HIPK1: variants seen among roughly 807,000 people sequenced by gnomAD.
The protein encoded by HIPK1 is homeodomain-interacting protein kinase 1.
HIPK1 carries 28 observed loss-of-function variants against 117.1 expected under a neutral mutation model. The observed-to-expected ratio is 0.24, with a 90% CI of 0.18 to 0.33. HIPK1 has a LOEUF of 0.33. Among genes scored for constraint, HIPK1 ranks in the 10% least tolerant of loss-of-function variants. HIPK1 has a pLI of 1.00. For missense variants in HIPK1, 1,122 were observed against 1,475.1 expected, an observed-to-expected ratio of 0.76 and a Z score of 3.92; for synonymous variants, 605 against 562.5, an observed-to-expected ratio of 1.08 and a Z score of -1.07.
chr1:113,960,430 C>T (rs1315910239), intron 8 of HIPK1, among the ~76,000 whole-genome samples: 2 of 152,152 alleles, frequency 1.3e-5, no homozygotes, highest in African/African-American at 4.8e-5. Context: ...ATACTACTTT[C>T]CATACTGTCC....
At chr1:113,960,516 C>T (rs1413007543) in intron 8 of HIPK1, among the ~76,000 whole-genome samples, 1 of 152,160 alleles carries the variant, frequency 6.6e-6, no homozygotes, top group Non-Finnish European at 1.5e-5. Flanking sequence ...TTCGCTTTAT[C>T]ACCCTGGGGG....
intron 8 of HIPK1, 52 bp from the exon 9 acceptor site, chr1:113,962,265 C>T: frequency 1.3e-6 from 2 of 1,573,738 alleles, no homozygotes; most frequent in Non-Finnish European, 1.7e-6. Flanking sequence ...AATCTTAAAA[C>T]AGTACTCCCA....
intron 10 of HIPK1, among the ~76,000 whole-genome samples, chr1:113,965,469 A>G (rs1352907498): frequency 6.6e-6 from 1 of 152,250 alleles, no homozygotes; most frequent in Non-Finnish European, 1.5e-5. Flanking sequence ...TTAGGTAACT[A>G]TTAGAAACAA....
chr1:113,973,548 T>C lies in HIPK1; in HGVS notation c.*36T>C. The C allele has an allele frequency of 6.5e-7, 1 of 1,543,854 alleles. No homozygotes were observed. The highest frequency in any genetic ancestry group is 8.8e-7 in the Non-Finnish European group (1 of 1,142,626). On this transcript the variant is annotated 3_prime_UTR_variant, in exon 16 of 16. Coordinates refer to ENST00000426820, the MANE Select transcript of HIPK1 (RefSeq NM_198268.3). ...TGAGGGAGGAGGAATCATGGCTACC[T>C]TCTCCTGGCCCTGCGTTCTTAATAT... is the stretch of plus-strand genomic sequence containing the variant.
chr1:113,942,722 A>G (rs1670732606), intron 2 of HIPK1, among the ~76,000 whole-genome samples: 1 of 152,168 alleles, frequency 6.6e-6, no homozygotes, highest in Non-Finnish European at 1.5e-5. Flanking sequence ...CAGTATGTAA[A>G]TGCTGATATA....
chr1:113,953,932 A>C (rs2101313101), intron 3 of HIPK1: 1 of 152,092 alleles, frequency 6.6e-6, no homozygotes, highest in South Asian at 2.1e-4. Context: ...TCTGGTACAC[A>C]GTAAGTACAC....
intron 1 of HIPK1, among the ~76,000 whole-genome samples, chr1:113,939,342 T>G (rs572613183): frequency 1.2e-4 from 18 of 149,632 alleles, no homozygotes; most frequent in East Asian, 5.9e-4. Context: ...TTTTTTTTTT[T>G]GTTGTTGTTG....
At chr1:113,960,610 T>C (rs1345019655) in intron 8 of HIPK1, among the ~76,000 whole-genome samples, 2 of 152,220 alleles carry the variant, frequency 1.3e-5, no homozygotes, top group Non-Finnish European at 1.5e-5. Flanking sequence ...ACCAATGTCT[T>C]GTAGTTAGGC....
intron 6 of HIPK1, 41 bp from the exon 7 acceptor site, chr1:113,957,083 A>G: frequency 6.6e-7 from 1 of 1,516,844 alleles, no homozygotes; most frequent in Non-Finnish European, 9.1e-7. Context: ...GTCTGTTTAA[A>G]TCTCAGCATT....
chr1:113,968,680 G>T lies in HIPK1; in HGVS notation c.2771+32G>T, dbSNP rs750645889. The stretch of plus-strand genomic sequence containing the variant: ...TAAGTGAATGGTTCCTGGCTCTATT[G>T]GTTTTAGACTGTTGGCCTCAGGCAA... On this transcript the variant is annotated intron_variant, in intron 13 of 15. Transcript: ENST00000426820. 8 of 1,574,296 alleles carry T rather than the reference G, an allele frequency of 5.1e-6. No homozygotes were observed. The East Asian group carries it at 1.8e-4, about 35-fold the overall frequency.
chr1:113,932,433 CGTGGTGGGTTCAGGCTGGAGTGCA>C (rs1669962436), intron 1 of HIPK1, among the ~76,000 whole-genome samples: 1 of 149,802 alleles, frequency 6.7e-6, no homozygotes, highest in Non-Finnish European at 1.5e-5. Flanking sequence ...GTCGGAGTGC[CGTGGTGGGTTCAGGCTGGAGTGCA>C]GTGGTGGGTT....
Position 113,962,340 on chromosome 1 carries a change from C to T in HIPK1, c.2005C>T (p.His669Tyr), listed in dbSNP as rs1408671778. 1 of 1,613,806 alleles carries T rather than the reference C, an allele frequency of 6.2e-7. No homozygotes were observed. Among genetic ancestry groups the T allele is most frequent in the African/African-American group, 1.3e-5 (1 of 75,028 alleles). ...AGCTGGACTACAAGCAACAACAAAG[C>T]ATTCTGGATTCCCTGTGAGGATGGA... ...FQTGLQATTK[H>Y]SGFPVRMDNA... The change falls in exon 9 of 16, where the codon CAT becomes TAT. Residue 669 changes from histidine (H) to tyrosine (Y), a missense_variant. His to Tyr is a moderately conservative substitution (Grantham distance 83, BLOSUM62 2). Coordinates refer to ENST00000426820, the MANE Select transcript of HIPK1 (RefSeq NM_198268.3).
At chr1:113,954,326 C>T (rs1365331141) in intron 3 of HIPK1, among the ~76,000 whole-genome samples, 1 of 152,138 alleles carries the variant, frequency 6.6e-6, no homozygotes, top group Non-Finnish European at 1.5e-5. Context: ...ACAATGTCTG[C>T]ATGGTATTTT....
intron 8 of HIPK1, among the ~76,000 whole-genome samples, chr1:113,959,765 T>G (rs928090373): frequency 6.6e-6 from 1 of 152,224 alleles, no homozygotes; most frequent in Non-Finnish European, 1.5e-5. Context: ...TAGAGCATAC[T>G]TAAAATTTTC....
rs1301679078 is a variant in HIPK1 at position 113,938,929 on chromosome 1, T to TATACACACACACAC, written c.-2-1452_-2-1451insTACACACACACACA. Reference sequence around the variant, plus strand: ...TGTCTCAAAAAAAAAAAAAAAAAAATACACACACACACACACACACACACA... The same window carrying TATACACACACACAC: ...TGTCTCAAAAAAAAAAAAAAAAAAATATACACACACACACACACACACACACACACACACACACA... On this transcript the variant is annotated intron_variant, in intron 1 of 15. Coordinates refer to ENST00000426820, the MANE Select transcript of HIPK1 (RefSeq NM_198268.3). Among the ~76,000 whole-genome samples, 18 of 115,486 alleles carry TATACACACACACAC rather than the reference T, an allele frequency of 1.6e-4. 1 individual carries two copies. The highest frequency in any genetic ancestry group is 4.1e-4 in the African/African-American group (12 of 29,112). 75.8% of individuals were successfully genotyped at this position (115,486 alleles called of 152,430 possible). A position where few individuals can be genotyped will look rare whatever the true frequency, so the allele number is the denominator to read the frequency against.
chr1:113,965,615 C>A (rs1275924376), intron 10 of HIPK1, among the ~76,000 whole-genome samples: 1 of 152,120 alleles, frequency 6.6e-6, no homozygotes, highest in Non-Finnish European at 1.5e-5. Flanking sequence ...GGCCTTTGGT[C>A]ATCCACATCT....
chr1:113,962,605 C>T (rs1056039735), intron 9 of HIPK1, among the ~76,000 whole-genome samples, 167 bp downstream of exon 9: 3 of 152,296 alleles, frequency 2.0e-5, no homozygotes, highest in South Asian at 4.1e-4. Context: ...ATTCCTAACA[C>T]TATTGCAACT....
At chr1:113,929,665 AG>A in intron 1 of HIPK1, 133 bp downstream of exon 1, 1 of 913,552 alleles carries the variant, frequency 1.1e-6, no homozygotes, top group South Asian at 1.8e-5. Context: ...GCCCGGCGGT[AG>A]CCCCGGACGG....
At chr1:113,953,151 TTA>T (rs1291793534) in intron 3 of HIPK1, among the ~76,000 whole-genome samples, 4 of 152,326 alleles carry the variant, frequency 2.6e-5, no homozygotes, top group Admixed American at 2.6e-4. Context: ...TAATGATTTA[TTA>T]GAGACTTAAC....
Sources: gnomAD v4.1 joint callset for allele counts (sites outside exome capture counted in the v4.1 genomes callset) on GRCh38, gnomAD v4.1.1 for gene constraint, MANE v1.5 for transcripts, NCBI Gene and HGNC (gene_info 2026-07-23, HGNC 2026-07-21) for gene names.